ATP6V1B1: variants seen among roughly 807,000 people sequenced by gnomAD.
The protein encoded by ATP6V1B1 is V-type proton ATPase subunit B, kidney isoform.
ATP6V1B1 carries 41 observed loss-of-function variants against 62.1 expected under a neutral mutation model. The ratio of observed to expected loss-of-function variants is 0.66; its 90% CI spans 0.51 to 0.86. The LOEUF is 0.86. Among genes scored for constraint, ATP6V1B1 ranks in the 40% least tolerant of loss-of-function variants. ATP6V1B1 has a pLI of 0.00. For missense variants in ATP6V1B1, 651 were observed against 697.5 expected (o/e 0.93, Z 0.75); for synonymous variants, 253 against 273.4 (o/e 0.93, Z 0.74).
chr2:70,941,467 CTCAG>C (rs1553416395), intron 1 of ATP6V1B1: 1 of 984,430 alleles, frequency 1.0e-6, no homozygotes, highest in Non-Finnish European at 1.2e-6. Context: ...ACCCTGAAGG[CTCAG>C]CTCAAACGGC....
intron 2 of ATP6V1B1, among the ~76,000 whole-genome samples, chr2:70,949,992 T>C (rs1553418003): frequency 6.6e-5 from 10 of 152,192 alleles, no homozygotes. Context: ...TTAAAAATTG[T>C]TTTTACTTTA....
chr2:70,964,460 T>G lies in ATP6V1B1; in HGVS notation c.1166T>G (p.Leu389Arg). The G allele has an allele frequency of 6.2e-7, 1 of 1,614,064 alleles. No homozygotes were observed. Among genetic ancestry groups the G allele is most frequent in the Non-Finnish European group, 8.5e-7 (1 of 1,180,032 alleles). ...NRQIYPPINVLPSLSRLMKSA... is the reference protein window; with the variant it reads ...NRQIYPPINVRPSLSRLMKSA... ...CAGATCTACCCCCCCATCAACGTGC[T>G]CCCTTCCCTGTCGCGGCTGATGAAG... Residue 389 changes from leucine to arginine, a missense_variant, in exon 12 of 14, where the codon CTC (leucine) becomes CGC (arginine). Coordinates refer to ENST00000234396, the MANE Select transcript of ATP6V1B1 (RefSeq NM_001692.4).
chr2:70,964,605 C>A (rs1283240197), intron 12 of ATP6V1B1, 63 bp downstream of exon 12: 1 of 1,609,818 alleles, frequency 6.2e-7, no homozygotes, highest in South Asian at 1.1e-5. Context: ...AGGCCTGAGC[C>A]CCATCTGAAG....
chr2:70,951,105 G>A (rs1680314793), intron 2 of ATP6V1B1, among the ~76,000 whole-genome samples: 1 of 151,636 alleles, frequency 6.6e-6, no homozygotes, highest in African/African-American at 2.4e-5. Context: ...ACCACGCCTG[G>A]CTAATTTTTG....
intron 1 of ATP6V1B1, chr2:70,940,882 T>C: frequency 1.0e-6 from 1 of 982,500 alleles, no homozygotes; most frequent in South Asian, 4.7e-5. Flanking sequence ...GATTTCTTTT[T>C]CTTCTTTTTT....
chr2:70,961,815 C>G (rs1192956735), intron 8 of ATP6V1B1, 122 bp downstream of exon 8: 4 of 969,744 alleles, frequency 4.1e-6, no homozygotes, highest in Non-Finnish European at 6.5e-6. Flanking sequence ...GCTGGGAGAA[C>G]AACCCTCATT....
At chr2:70,955,120 G>A (rs1680404057) in intron 2 of ATP6V1B1, among the ~76,000 whole-genome samples, 1 of 152,288 alleles carries the variant, frequency 6.6e-6, no homozygotes, top group Non-Finnish European at 1.5e-5. Context: ...TGTGCTGCCT[G>A]TGGTCCTGGA....
At chr2:70,943,328 G>A in intron 1 of ATP6V1B1, 1 of 526,228 alleles carries the variant, frequency 1.9e-6, no homozygotes, top group South Asian at 2.0e-5. Context: ...GAGAGAGGAG[G>A]GAGTGGGTGA....
intron 4 of ATP6V1B1, 143 bp from the exon 5 acceptor site, chr2:70,958,875 G>C (rs1680511416): frequency 1.3e-6 from 1 of 786,830 alleles, no homozygotes. Context: ...GGCTCTCTGG[G>C]TTACCTGTGG....
At chr2:70,956,545 C>T (rs1378738809) in intron 2 of ATP6V1B1, among the ~76,000 whole-genome samples, 10 of 152,284 alleles carry the variant, frequency 6.6e-5, no homozygotes, top group East Asian at 1.9e-4. Context: ...ATTTTCTATT[C>T]CTCCCAGCAC....
chr2:70,964,114 A>T (rs72897940), intron 11 of ATP6V1B1: 2,885 of 126,882 alleles, frequency 0.023, 24 homozygotes, highest in African/African-American at 0.055. Context: ...CTTGGCAGGT[A>T]TTTTTTTTTT....
chr2:70,962,266 C>T (rs971742487), intron 8 of ATP6V1B1, among the ~76,000 whole-genome samples: 2 of 152,174 alleles, frequency 1.3e-5, no homozygotes, highest in South Asian at 2.1e-4. Context: ...AGCATAGGGA[C>T]GAGCACATTA....
Position 70,958,174 on chromosome 2 carries a change from T to C in ATP6V1B1, c.273+30T>C, listed in dbSNP as rs782359018. 1.9e-6 allele frequency: 3 copies of C among 1,608,496 alleles called. No individual in the cohort carries two copies. The African/African-American group carries it at 4.0e-5, about 22-fold the overall frequency. ...GTGGGGTCAATGGGACATTGGCTAG[T>C]TAAATCAATGAATTAACCCATAAAG... On this transcript the variant is annotated intron_variant, in intron 3 of 13. Coordinates refer to ENST00000234396, the MANE Select transcript of ATP6V1B1 (RefSeq NM_001692.4).
chr2:70,964,970 A>AC lies in ATP6V1B1; in HGVS notation c.1393dup (p.Arg465ProfsTer46). On this transcript the variant is annotated frameshift_variant, in exon 14 of 14. Coordinates refer to ENST00000234396, the MANE Select transcript of ATP6V1B1 (RefSeq NM_001692.4). LOFTEE classifies it high-confidence loss of function. ...GCTCTGTCCCTAGGCCCCTACGAGAACCGCTCGGTGTTCGAGTCGCTGGAC... is the reference window on the plus strand; with the variant it reads ...GCTCTGTCCCTAGGCCCCTACGAGAACCCGCTCGGTGTTCGAGTCGCTGGAC... 1 of 1,613,868 alleles carries AC rather than the reference A, an allele frequency of 6.2e-7. No homozygotes were observed. Among genetic ancestry groups the AC allele is most frequent in the South Asian group, 1.1e-5 (1 of 91,078 alleles).
In ATP6V1B1 at chr2:70,963,024, C is replaced by T. The variant is rs1373781226; in HGVS notation, c.909+124C>T. ...CAAGCCTGCCCCACTCCCATGAGTT[C>T]CAGGGCTTGGTCTCAGCCTGGCCAT... On this transcript the variant is annotated intron_variant, in intron 9 of 13. Transcript: ENST00000234396. The surrounding 1 kb of genome is among the most constrained non-coding windows in gnomAD (Gnocchi z 4.3). 1.3e-5 allele frequency: 20 copies of T among 1,598,476 alleles called. No homozygotes were observed. The African/African-American group carries it at 1.7e-4, about 14-fold the overall frequency.
chr2:70,940,971 T>C (rs62145076), intron 1 of ATP6V1B1: 164,137 of 888,428 alleles, frequency 0.18, 16,417 homozygotes, highest in East Asian at 0.55. Context: ...TGGAGTGCAA[T>C]AATAGCATGA....
At position 70,959,726 on chromosome 2, in the gene ATP6V1B1, CA is replaced by C. The variant is rs1354585473; in HGVS notation, c.446-210del. ...GTGGCTATTTAAATTTAAACTAATT[CA>C]AACAGAAAGAAAGTCCCATTTCAGA... On this transcript the variant is annotated intron_variant, in intron 5 of 13. Coordinates refer to ENST00000234396, the MANE Select transcript of ATP6V1B1 (RefSeq NM_001692.4). The surrounding 1 kb of genome is among the most constrained non-coding windows in gnomAD (Gnocchi z 4.2). 8.5e-5 allele frequency among the ~76,000 whole-genome samples: 13 copies of C among 152,230 alleles called. No homozygotes were observed. The highest frequency in any genetic ancestry group is 8.5e-4 in the Admixed American group (13 of 15,288).
intron 1 of ATP6V1B1, among the ~76,000 whole-genome samples, chr2:70,937,329 G>A (rs1281948070): frequency 1.3e-5 from 2 of 152,026 alleles, no homozygotes; most frequent in African/African-American, 2.4e-5. Flanking sequence ...AAAGGGGCCC[G>A]GGGGCGCATG....
intron 2 of ATP6V1B1, chr2:70,948,390 C>T (rs1241113318): frequency 6.5e-6 from 1 of 154,414 alleles, no homozygotes; most frequent in Non-Finnish European, 1.5e-5. Context: ...AGAAAATGAT[C>T]ACTTTTAAAT....
Sources: gnomAD v4.1 joint callset for allele counts (sites outside exome capture counted in the v4.1 genomes callset) on GRCh38, gnomAD v4.1.1 for gene constraint, Gnocchi (gnomAD v3.1) non-coding constraint, MANE v1.5 for transcripts, NCBI Gene and HGNC (gene_info 2026-07-23, HGNC 2026-07-21) for gene names.